Variants in PDE8B observed in about 807,000 individuals in gnomAD.
PDE8B encodes the protein phosphodiesterase 8B, also known as high affinity cAMP-specific and IBMX-insensitive 3',5'-cyclic phosphodiesterase 8B.
Under a neutral mutation model 101.3 loss-of-function variants are expected in PDE8B, and 26 were observed. The ratio of observed to expected loss-of-function variants is 0.26; its 90% confidence interval spans 0.19 to 0.36. The LOEUF is 0.36. PDE8B is among the 10% of genes least tolerant of loss of function. PDE8B has a pLI of 1.00. For synonymous variants in PDE8B, 424 were observed against 429.3 expected, an observed-to-expected ratio of 0.99 and a Z score of 0.15; for missense variants, 810 against 1,163.1, an observed-to-expected ratio of 0.70 and a Z score of 4.42.
the PDE8B span, among the ~76,000 whole-genome samples, chr5:77,126,783 C>T: frequency 6.6e-5 from 10 of 152,154 alleles, no homozygotes; most frequent in Non-Finnish European, 1.3e-4. Flanking sequence ...CTATGAATTC[C>T]TGATGAAAAC....
the PDE8B span, among the ~76,000 whole-genome samples, chr5:77,198,990 C>A: frequency 1.3e-5 from 2 of 152,184 alleles, no homozygotes; most frequent in South Asian, 4.1e-4. Context: ...TTCCCACACA[C>A]CCACTTCAAA....
chr5:77,299,266 GTTTT>G (rs1287315253), intron 1 of PDE8B, among the ~76,000 whole-genome samples: 1 of 150,986 alleles, frequency 6.6e-6, no homozygotes. Flanking sequence ...TTGTTTGTTT[GTTTT>G]ATTTTATTAT....
At chr5:77,300,086 T>G (rs1769572151) in intron 1 of PDE8B, among the ~76,000 whole-genome samples, 1 of 152,238 alleles carries the variant, frequency 6.6e-6, no homozygotes, top group South Asian at 2.1e-4. Flanking sequence ...CCCAGTGTTC[T>G]GCAGTGTAGG....
At chr5:77,166,976 G>A in the PDE8B span, 2 of 152,214 alleles carry the variant, frequency 1.3e-5, no homozygotes, top group African/African-American at 4.8e-5. Flanking sequence ...CACAGAAGTT[G>A]GATCATCTCC....
chr5:77,107,900 A>C, the PDE8B span, among the ~76,000 whole-genome samples: 1 of 152,152 alleles, frequency 6.6e-6, no homozygotes, highest in East Asian at 1.9e-4. Context: ...GAGAATTCCC[A>C]GTTATACAGG....
At chr5:77,242,234 TCCCTCAG>T (rs566275857) in intron 1 of PDE8B, among the ~76,000 whole-genome samples, 36 of 152,310 alleles carry the variant, frequency 2.4e-4, no homozygotes, top group African/African-American at 8.4e-4. Flanking sequence ...CTCACTGGTA[TCCCTCAG>T]CCTGTATCCA....
intron 1 of PDE8B, among the ~76,000 whole-genome samples, chr5:77,217,800 T>G (rs1249431752): frequency 6.6e-6 from 1 of 152,162 alleles, no homozygotes; most frequent in African/African-American, 2.4e-5. Flanking sequence ...GCCCCCAAAG[T>G]GCTGGGATTA....
At position 77,210,987 on chromosome 5, in the gene PDE8B, A is replaced by G; in HGVS notation, c.62A>G (p.Asp21Gly). ...GGCGTGATCTACTGCCGGGACTCGG[A>G]CGAGTCCAGCTCGCCCCGCCAGACC... ...QSGVIYCRDS[D>G]ESSSPRQTTS... is the part of the protein sequence containing the mutation. The change falls in exon 1 of 22, where the codon GAC becomes GGC. Residue 21 changes from aspartate to glycine, a missense_variant. Coordinates refer to ENST00000264917, the MANE Select transcript of PDE8B (RefSeq NM_003719.5). The surrounding 1 kb of genome is among the most constrained non-coding windows in gnomAD (Gnocchi z 4.9). 1 of 1,541,684 alleles carries G rather than the reference A, an allele frequency of 6.5e-7. No homozygotes were observed. Among genetic ancestry groups the G allele is most frequent in the South Asian group, 1.2e-5 (1 of 85,042 alleles).
chr5:77,237,135 C>T (rs1183858380), intron 1 of PDE8B, among the ~76,000 whole-genome samples: 1 of 152,010 alleles, frequency 6.6e-6, no homozygotes, highest in African/African-American at 2.4e-5. Flanking sequence ...CCATTTGATT[C>T]TACCTGTATA....
intron 1 of PDE8B, among the ~76,000 whole-genome samples, chr5:77,279,880 G>A (rs1764615762): frequency 6.6e-6 from 1 of 152,166 alleles, no homozygotes; most frequent in South Asian, 2.1e-4. Context: ...GTGAGGCGAG[G>A]GAGGCAGAGC....
intron 1 of PDE8B, among the ~76,000 whole-genome samples, chr5:77,244,574 T>G (rs1191159436): frequency 6.6e-6 from 1 of 152,120 alleles, no homozygotes; most frequent in East Asian, 1.9e-4. Flanking sequence ...AAGCAGAGAC[T>G]TTGAAATAAT....
the PDE8B span, among the ~76,000 whole-genome samples, chr5:77,158,950 G>T: frequency 6.2e-3 from 937 of 152,294 alleles, 8 homozygotes; most frequent in African/African-American, 0.02. Context: ...GACTCCAGGA[G>T]GGAGTCAGGG....
chr5:77,291,138 C>G, intron 1 of PDE8B: 1 of 1,610,722 alleles, frequency 6.2e-7, no homozygotes, highest in East Asian at 2.2e-5. Flanking sequence ...TCCATCAGCT[C>G]TCTTCACTGC....
chr5:77,353,527 A>G, intron 10 of PDE8B, 121 bp downstream of exon 10: 1 of 735,290 alleles, frequency 1.4e-6, no homozygotes, highest in East Asian at 2.6e-5. Context: ...GCTGCCAATT[A>G]AGCAGATTTA....
intron 1 of PDE8B, among the ~76,000 whole-genome samples, chr5:77,289,547 T>C (rs1236334458): frequency 1.3e-5 from 2 of 152,238 alleles, no homozygotes; most frequent in African/African-American, 2.4e-5. Flanking sequence ...GTTGGAAGTG[T>C]CACTGGTCTG....
At chr5:77,221,689 T>G (rs1433836379) in intron 1 of PDE8B, among the ~76,000 whole-genome samples, 2 of 152,226 alleles carry the variant, frequency 1.3e-5, no homozygotes, top group Admixed American at 6.5e-5. Context: ...CTCCCTAGCA[T>G]TCTCCTAAGG....
At chr5:77,351,230 A>G in intron 9 of PDE8B, 77 bp downstream of exon 9, 3 of 1,035,988 alleles carry the variant, frequency 2.9e-6, no homozygotes, top group Non-Finnish European at 4.5e-6. Context: ...TTGAAATGCC[A>G]GTATGAGCCT....
chr5:77,302,766 C>T lies in PDE8B; in HGVS notation c.340-9228C>T, dbSNP rs372942982. Among the ~76,000 whole-genome samples the T allele has an allele frequency of 2.4e-4, 36 of 152,306 alleles. No individual in the cohort carries two copies. In the East Asian group the frequency reaches 6.6e-3, roughly 28 times the overall value. On this transcript the variant is annotated intron_variant, in intron 1 of 21. Transcript: ENST00000264917. ...GGCTTAAATCTCAGCTTCATCCTCT[C>T]GGGTAAGTGGCTTAACCTTTCTGCA...
rs143999929 is a variant in PDE8B, at chr5:77,252,038, C to T, written c.339+40774C>T. On this transcript the variant is annotated intron_variant, in intron 1 of 21. Coordinates refer to ENST00000264917, the MANE Select transcript of PDE8B (RefSeq NM_003719.5). ...CTACTGGCTCTCGCCTGTGTGGTTA[C>T]ATGTGCTCATGAATCTGGTTATCCT... Among the ~76,000 whole-genome samples, 1,092 of 152,312 alleles carry T rather than the reference C, an allele frequency of 7.2e-3. 9 individuals are homozygous for T. The highest frequency in any genetic ancestry group is 0.024 in the Middle Eastern group (7 of 294).
Sources: allele counts gnomAD v4.1 joint callset (sites outside exome capture counted in the v4.1 genomes callset), GRCh38; gene constraint gnomAD v4.1.1; non-coding constraint Gnocchi (gnomAD v3.1); transcripts MANE v1.5; gene names NCBI Gene and HGNC (gene_info 2026-07-23, HGNC 2026-07-21).